The following IFT88 variants were observed in gnomAD, a reference collection of about 807,000 sequenced individuals.
IFT88 encodes the protein intraflagellar transport protein 88 homolog.
Under a neutral mutation model 119.5 loss-of-function variants are expected in IFT88, and 74 were observed. That is an observed-to-expected ratio of 0.62 (90% confidence interval 0.51 to 0.75). IFT88 has a LOEUF of 0.75. IFT88 is among the 30% of genes least tolerant of loss of function. The pLI, the probability that IFT88 is intolerant of heterozygous loss-of-function variation, is 0.00. For synonymous variants in IFT88, 279 were observed against 316.7 expected, an observed-to-expected ratio of 0.88 and a Z score of 1.26; for missense variants, 961 against 977.7, an observed-to-expected ratio of 0.98 and a Z score of 0.23.
rs1332585722 is a variant in IFT88, at chr13:20,598,729, A to C, written c.673A>C (p.Lys225Gln). 1 of 1,606,590 alleles carries C rather than the reference A, an allele frequency of 6.2e-7. No homozygotes were observed. The highest frequency in any genetic ancestry group is 1.1e-5 in the South Asian group (1 of 90,832). Reference sequence around the variant, plus strand: ...ACTTAACACTTATCAAGTTATAGTCAAAAATAAGATGTTTAGCAATGCAGG... The same window carrying C: ...ACTTAACACTTATCAAGTTATAGTCCAAAATAAGATGTTTAGCAATGCAGG... ...EALNTYQVIVKNKMFSNAGIL... is the reference protein window; with the variant it reads ...EALNTYQVIVQNKMFSNAGIL... Residue 225 changes from lysine to glutamine, a missense_variant, in exon 10 of 26, where the codon AAA becomes CAA. Lys to Gln is a moderately conservative substitution (Grantham distance 53). Transcript: ENST00000351808.
At chr13:20,662,299 C>G (rs1322418980) in intron 22 of IFT88, among the ~76,000 whole-genome samples, 2 of 151,380 alleles carry the variant, frequency 1.3e-5, no homozygotes, top group East Asian at 3.9e-4. Flanking sequence ...AAAAGGATAC[C>G]CACAAAAAAA....
Position 20,625,733 on chromosome 13 carries a change from T to C in IFT88, c.1200-17T>C. 6 of 1,540,672 alleles carry C rather than the reference T, an allele frequency of 3.9e-6. No homozygotes were observed. Among genetic ancestry groups the C allele is most frequent in the Non-Finnish European group, 5.3e-6 (6 of 1,134,122 alleles). On this transcript the variant is annotated splice_polypyrimidine_tract_variant and intron_variant, in intron 14 of 25. Coordinates refer to ENST00000351808, the MANE Select transcript of IFT88 (RefSeq NM_006531.5). ...TAAAACAAAATCAAGTAAGGTTTTT[T>C]ATGCTTTCCCTTATAGGTGCGTGGA...
At chr13:20,688,650 A>G (rs1369539706) in intron 24 of IFT88, among the ~76,000 whole-genome samples, 1 of 152,230 alleles carries the variant, frequency 6.6e-6, no homozygotes, top group Non-Finnish European at 1.5e-5. Flanking sequence ...GTATGCATGC[A>G]TGAGGAAATA....
At chr13:20,651,428 ATGTTT>A (rs1296618102) in intron 20 of IFT88, among the ~76,000 whole-genome samples, 28 of 145,690 alleles carry the variant, frequency 1.9e-4, no homozygotes, top group Non-Finnish European at 3.6e-4. Flanking sequence ...ATACTTACAC[ATGTTT>A]GTGTAAGTAT....
rs191532980 is a variant in IFT88, at chr13:20,612,310, G to T, written c.1113-3483G>T. 296 of 152,250 alleles carry T rather than the reference G, an allele frequency of 1.9e-3. 2 individuals carry two copies. The highest frequency in any genetic ancestry group is 6.9e-3 in the African/African-American group (285 of 41,554). 9.4% of individuals were successfully genotyped at this position (152,250 alleles called of 1,614,324 possible). A position where few individuals can be genotyped will look rare whatever the true frequency, so the allele number is the denominator to read the frequency against. The stretch of plus-strand genomic sequence containing the variant: ...CTGCTGTATGCATTGACCTGGTAGT[G>T]CAGTAACTCCAGGAACTGTGCACCC... On this transcript the variant is annotated intron_variant, in intron 13 of 25. Transcript: ENST00000351808.
At chr13:20,599,362 C>T in intron 10 of IFT88, 89 bp from the exon 11 acceptor site, 1 of 560,046 alleles carries the variant, frequency 1.8e-6, no homozygotes, top group Non-Finnish European at 3.1e-6. Flanking sequence ...CTGAGAAATG[C>T]TTCAGAGAAT....
chr13:20,587,931 GTATT>G (rs1336600871), intron 3 of IFT88, among the ~76,000 whole-genome samples: 30 of 146,854 alleles, frequency 2.0e-4, no homozygotes, highest in African/African-American at 4.5e-4. Flanking sequence ...TTTTAGTTAA[GTATT>G]TATTCCACTT....
In IFT88 at chr13:20,641,297, C is replaced by T. The variant is rs779350570; in HGVS notation, c.1581C>T (p.Thr527=). 3.7e-6 allele frequency: 6 copies of T among 1,602,300 alleles called. No individual in the cohort carries two copies. In the Admixed American group the frequency reaches 1.0e-4, roughly 27 times the overall value. The part of the protein sequence containing the change: ...CTEALYNIGL[T]YEKLNRLDEA... ...TTTTCTTCTTTTTTTAAGGCCTTACCTATGAGAAACTAAATCGGCTAGATG... is the reference window on the plus strand; with the variant it reads ...TTTTCTTCTTTTTTTAAGGCCTTACTTATGAGAAACTAAATCGGCTAGATG... Residue 527 remains threonine, a synonymous_variant, in exon 18 of 26, where the codon ACC becomes ACT. Coordinates refer to ENST00000351808, the MANE Select transcript of IFT88 (RefSeq NM_006531.5).
intron 14 of IFT88, among the ~76,000 whole-genome samples, chr13:20,623,530 A>T (rs1299116002): frequency 1.3e-5 from 2 of 152,120 alleles, no homozygotes; most frequent in Non-Finnish European, 1.5e-5. Flanking sequence ...GCTGGAGTGA[A>T]GTGTCGTGAT....
chr13:20,688,010 A>T (rs1325970386), intron 24 of IFT88, among the ~76,000 whole-genome samples: 1 of 152,202 alleles, frequency 6.6e-6, no homozygotes, highest in Non-Finnish European at 1.5e-5. Flanking sequence ...AGGACTTCTC[A>T]CTGGCAATAC....
chr13:20,676,638 A>C (rs759214576), intron 24 of IFT88, among the ~76,000 whole-genome samples: 1 of 152,200 alleles, frequency 6.6e-6, no homozygotes, highest in Non-Finnish European at 1.5e-5. Context: ...TTGTTTTTTT[A>C]AACAAGAATT....
chr13:20,681,455 C>T (rs1033969268), intron 24 of IFT88, among the ~76,000 whole-genome samples: 8 of 152,226 alleles, frequency 5.3e-5, no homozygotes, highest in Non-Finnish European at 1.0e-4. Flanking sequence ...AGTTGGGCAT[C>T]GCTGGATAAT....
intron 24 of IFT88, among the ~76,000 whole-genome samples, chr13:20,671,706 A>G (rs9509326): frequency 0.4 from 60,059 of 152,032 alleles, 13,818 homozygotes; most frequent in Non-Finnish European, 0.52. Flanking sequence ...TGTAAGTTAA[A>G]CTTAGTACAA....
At chr13:20,688,868 A>AT (rs1483716960) in intron 24 of IFT88, among the ~76,000 whole-genome samples, 2 of 152,176 alleles carry the variant, frequency 1.3e-5, no homozygotes, top group Admixed American at 1.3e-4. Flanking sequence ...CTGGGATAAT[A>AT]GGTGCATGCC....
chr13:20,668,386 A>T (rs1484233138), intron 23 of IFT88, among the ~76,000 whole-genome samples: 1 of 152,020 alleles, frequency 6.6e-6, no homozygotes, highest in Non-Finnish European at 1.5e-5. Context: ...CTTACATAAT[A>T]GGCACATTCT....
At chr13:20,615,207 TTA>T (rs1370136351) in intron 13 of IFT88, among the ~76,000 whole-genome samples, 3 of 152,152 alleles carry the variant, frequency 2.0e-5, no homozygotes, top group Non-Finnish European at 4.4e-5. Context: ...AAACCACTAC[TTA>T]TATATAAATT....
chr13:20,567,860 T>G (rs987627519), intron 1 of IFT88: 5 of 989,582 alleles, frequency 5.1e-6, no homozygotes, highest in East Asian at 2.6e-5. Flanking sequence ...TGTGAGTTTT[T>G]TTTGTTTGTT....
intron 14 of IFT88, among the ~76,000 whole-genome samples, chr13:20,622,992 A>T (rs79485196): frequency 0.029 from 4,446 of 152,146 alleles, 187 homozygotes; most frequent in East Asian, 0.18. Flanking sequence ...TTTTGAGTTA[A>T]TTTTTGTACA....
At chr13:20,671,110 T>C in intron 24 of IFT88, 71 bp downstream of exon 24, 1 of 1,209,518 alleles carries the variant, frequency 8.3e-7, no homozygotes, top group South Asian at 1.3e-5. Context: ...GGAAACATCT[T>C]GCAATAATCT....
Sources: allele counts gnomAD v4.1 joint callset (sites outside exome capture counted in the v4.1 genomes callset), GRCh38; gene constraint gnomAD v4.1.1; transcripts MANE v1.5; gene names NCBI Gene and HGNC (gene_info 2026-07-23, HGNC 2026-07-21).